Variants in SLC39A11 observed in about 807,000 individuals in gnomAD.
SLC39A11 encodes the protein solute carrier family 39 member 11.
Under a neutral mutation model 36.1 loss-of-function variants are expected in SLC39A11, and 33 were observed. That is an observed-to-expected ratio of 0.91 (90% confidence interval 0.69 to 1.22). The LOEUF is 1.22. SLC39A11 is among the 50% of genes most tolerant of loss of function. The pLI, the probability that SLC39A11 is intolerant of heterozygous loss-of-function variation, is 0.00. For missense variants in SLC39A11, 432 were observed against 430.3 expected, an observed-to-expected ratio of 1.00 and a Z score of -0.03; for synonymous variants, 166 against 170.3, an observed-to-expected ratio of 0.97 and a Z score of 0.20.
chr17:72,741,565 C>T (rs909336293), intron 6 of SLC39A11, among the ~76,000 whole-genome samples: 5 of 152,270 alleles, frequency 3.3e-5, no homozygotes, highest in Non-Finnish European at 4.4e-5. Flanking sequence ...CCCCATTTCC[C>T]GAGGCAAAGA....
chr17:73,046,334 T>C (rs41432844), intron 3 of SLC39A11, among the ~76,000 whole-genome samples: 5,683 of 152,218 alleles, frequency 0.037, 346 homozygotes, highest in African/African-American at 0.13. Context: ...TCTGTCCTAA[T>C]TCACCAGAGG....
intron 5 of SLC39A11, among the ~76,000 whole-genome samples, chr17:72,945,188 T>C (rs1026115972): frequency 3.9e-5 from 6 of 152,104 alleles, no homozygotes; most frequent in African/African-American, 1.4e-4. Context: ...CATTGCACAC[T>C]AAGACCTAAA....
intron 6 of SLC39A11, among the ~76,000 whole-genome samples, chr17:72,788,070 A>G (rs1437475324): frequency 6.6e-6 from 1 of 152,240 alleles, no homozygotes; most frequent in East Asian, 1.9e-4. Flanking sequence ...CACCTCAAGT[A>G]GGCACAGTTC....
chr17:73,083,573 G>A (rs1315674219), intron 3 of SLC39A11, among the ~76,000 whole-genome samples: 2 of 152,106 alleles, frequency 1.3e-5, no homozygotes, highest in African/African-American at 4.8e-5. Flanking sequence ...AATGGAATCT[G>A]AACTAATCAA....
chr17:72,783,067 CGATTCTCACCAGAAAGCAGAT>C (rs1376459526), intron 6 of SLC39A11, among the ~76,000 whole-genome samples: 2 of 147,044 alleles, frequency 1.4e-5, no homozygotes, highest in Non-Finnish European at 3.0e-5. Flanking sequence ...AGAAAGCAGA[CGATTCTCACCAGAAAGCAGAT>C]GATTCTCACC....
intron 5 of SLC39A11, among the ~76,000 whole-genome samples, chr17:72,932,983 CACACTCAATGTGAA>C (rs1171853112): frequency 2.0e-5 from 3 of 152,204 alleles, no homozygotes; most frequent in African/African-American, 7.2e-5. Flanking sequence ...CAGGTAACAT[CACACTCAATGTGAA>C]ACACTCAATG....
At chr17:72,818,526 C>T (rs138697195) in intron 6 of SLC39A11, among the ~76,000 whole-genome samples, 1 of 152,306 alleles carries the variant, frequency 6.6e-6, no homozygotes, top group East Asian at 1.9e-4. Flanking sequence ...CAATATATGA[C>T]TGAATGAAAG....
chr17:72,743,547 C>G (rs1459209304), intron 6 of SLC39A11, among the ~76,000 whole-genome samples: 1 of 152,142 alleles, frequency 6.6e-6, no homozygotes, highest in African/African-American at 2.4e-5. Context: ...CCCACTTTCC[C>G]CCTGGATTTA....
chr17:72,962,008 A>G (rs537041401), intron 4 of SLC39A11, among the ~76,000 whole-genome samples: 2 of 152,346 alleles, frequency 1.3e-5, no homozygotes, highest in South Asian at 2.1e-4. Flanking sequence ...GCATCACTCA[A>G]CTTGGAGCAG....
At chr17:72,877,754 T>A (rs1019891653) in intron 5 of SLC39A11, among the ~76,000 whole-genome samples, 1 of 152,184 alleles carries the variant, frequency 6.6e-6, no homozygotes, top group Non-Finnish European at 1.5e-5. Context: ...CTCTGGCGCC[T>A]CAGGTCCAGA....
intron 7 of SLC39A11, chr17:72,664,042 C>T (rs974361983): frequency 6.3e-6 from 1 of 158,970 alleles, no homozygotes; most frequent in Non-Finnish European, 1.5e-5. Flanking sequence ...GAGGGACGCA[C>T]ATGGAGCGGT....
At chr17:72,854,168 T>C (rs546551174) in intron 5 of SLC39A11, among the ~76,000 whole-genome samples, 5 of 152,232 alleles carry the variant, frequency 3.3e-5, no homozygotes, top group Admixed American at 1.3e-4. Context: ...CTTTAACGAA[T>C]GAGTAAATTG....
rs376748105 is a variant in SLC39A11, at chr17:72,680,020, C to T, written c.672-30752G>A. Among the ~76,000 whole-genome samples, 67 of 116,600 alleles carry T rather than the reference C, an allele frequency of 5.7e-4. 1 individual carries two copies. The highest frequency in any genetic ancestry group is 1.1e-3 in the South Asian group (4 of 3,514). The allele number at this position is 116,600 out of a possible 152,430, so 76.5% of individuals were successfully genotyped here. A position where few individuals can be genotyped will look rare whatever the true frequency, so the allele number is the denominator to read the frequency against. On this transcript the variant is annotated intron_variant, in intron 7 of 9. Transcript: ENST00000255559. ...TCGAGCTACTGCACTCCAGCCTGGGCGACAGAGTGAGACTCTGTCTCAAAA... is the reference window on the plus strand; with the variant it reads ...TCGAGCTACTGCACTCCAGCCTGGGTGACAGAGTGAGACTCTGTCTCAAAA...
At chr17:72,894,001 T>C (rs1649935298) in intron 5 of SLC39A11, among the ~76,000 whole-genome samples, 1 of 152,014 alleles carries the variant, frequency 6.6e-6, no homozygotes, top group South Asian at 2.1e-4. Flanking sequence ...AACCAAGCAG[T>C]GAGTGTGATC....
At chr17:72,997,858 C>T (rs560875409) in intron 4 of SLC39A11, among the ~76,000 whole-genome samples, 28 of 152,310 alleles carry the variant, frequency 1.8e-4, no homozygotes, top group Admixed American at 5.2e-4. Context: ...TCATAATTTA[C>T]TCAGTAACGG....
At chr17:72,754,246 G>A (rs2075284341) in intron 6 of SLC39A11, among the ~76,000 whole-genome samples, 1 of 152,000 alleles carries the variant, frequency 6.6e-6, no homozygotes, top group Non-Finnish European at 1.5e-5. Context: ...GCTAAGCTAT[G>A]AGGATGCAAA....
At chr17:72,964,773 A>T (rs1301097033) in intron 4 of SLC39A11, among the ~76,000 whole-genome samples, 1 of 152,222 alleles carries the variant, frequency 6.6e-6, no homozygotes, top group Non-Finnish European at 1.5e-5. Context: ...AAGGACTATA[A>T]ATCATGCTGC....
chr17:72,948,463 C>T (rs1473563131), intron 4 of SLC39A11, among the ~76,000 whole-genome samples: 1 of 152,158 alleles, frequency 6.6e-6, no homozygotes, highest in Admixed American at 6.5e-5. Flanking sequence ...AAAAGAAGTC[C>T]ATATGGCAGG....
At chr17:72,794,972 G>A (rs2076846675) in intron 6 of SLC39A11, among the ~76,000 whole-genome samples, 1 of 152,054 alleles carries the variant, frequency 6.6e-6, no homozygotes, top group South Asian at 2.1e-4. Context: ...GAATTCTGAG[G>A]GCAGAGGACC....
Sources: allele counts gnomAD v4.1 joint callset (sites outside exome capture counted in the v4.1 genomes callset), GRCh38; gene constraint gnomAD v4.1.1; transcripts MANE v1.5; gene names NCBI Gene and HGNC (gene_info 2026-07-23, HGNC 2026-07-21).